PDE8A: variants seen among roughly 807,000 people sequenced by gnomAD.
PDE8A encodes high affinity cAMP-specific and IBMX-insensitive 3',5'-cyclic phosphodiesterase 8A.
PDE8A carries 59 observed loss-of-function variants against 105.0 expected under a neutral mutation model. The observed-to-expected ratio is 0.56, with a 90% CI of 0.46 to 0.70. PDE8A has a LOEUF of 0.70. Among genes scored for constraint, PDE8A ranks in the 30% least tolerant of loss-of-function variants. The pLI is 0.00. For missense variants in PDE8A, 1,014 were observed against 1,045.9 expected, an observed-to-expected ratio of 0.97 and a Z score of 0.42; for synonymous variants, 355 against 371.9, an observed-to-expected ratio of 0.95 and a Z score of 0.52.
chr15:85,023,843 G>A (rs994245522), intron 1 of PDE8A, among the ~76,000 whole-genome samples: 1 of 152,084 alleles, frequency 6.6e-6, no homozygotes, highest in African/African-American at 2.4e-5. Context: ...GGGAAGGAGG[G>A]AGAGTTGAGC....
intron 20 of PDE8A, among the ~76,000 whole-genome samples, chr15:85,133,799 A>C (rs1387949035): frequency 6.6e-6 from 1 of 152,206 alleles, no homozygotes; most frequent in Non-Finnish European, 1.5e-5. Context: ...TGTCTCTTGA[A>C]TAGCATGGAT....
intron 19 of PDE8A, among the ~76,000 whole-genome samples, chr15:85,124,685 G>C (rs1220796115): frequency 6.6e-6 from 1 of 152,098 alleles, no homozygotes; most frequent in Admixed American, 6.5e-5. Flanking sequence ...TTGTCAGCCT[G>C]CCCCTGACTT....
chr15:85,043,231 G>A (rs1162370192), intron 1 of PDE8A, among the ~76,000 whole-genome samples: 1 of 152,188 alleles, frequency 6.6e-6, no homozygotes, highest in Admixed American at 6.5e-5. Flanking sequence ...CATGCCTGCT[G>A]AATTCAGTTT....
chr15:84,996,284 C>T (rs2079974706), intron 1 of PDE8A, among the ~76,000 whole-genome samples: 1 of 151,850 alleles, frequency 6.6e-6, no homozygotes, highest in African/African-American at 2.4e-5. Flanking sequence ...CTCAAGTGAT[C>T]CTCCCACCTT....
Position 85,123,131 on chromosome 15 carries a change from G to A in PDE8A, c.2023G>A (p.Glu675Lys), listed in dbSNP as rs746439446. 7 of 1,613,806 alleles carry A rather than the reference G, an allele frequency of 4.3e-6. No individual in the cohort carries two copies. The highest frequency in any genetic ancestry group is 5.9e-6 in the Non-Finnish European group (7 of 1,179,846). ...VLATEMTKHF[E>K]HVNKFVNSIN... ...AGCCACAGAAATGACAAAGCACTTT[G>A]AGCATGTCAACAAATTTGTCAACAG... The change falls in exon 19 of 22, where the codon GAG (glutamate) becomes AAG (lysine). Residue 675 changes from glutamate (E) to lysine (K), a missense_variant. Physicochemically the swap from Glu to Lys is moderately conservative, Grantham distance 56. Coordinates refer to ENST00000394553, the MANE Select transcript of PDE8A (RefSeq NM_002605.3).
intron 1 of PDE8A, among the ~76,000 whole-genome samples, chr15:85,028,553 T>G (rs1462756638): frequency 6.6e-6 from 1 of 152,198 alleles, no homozygotes; most frequent in African/African-American, 2.4e-5. Context: ...TTTGTGCTGC[T>G]AAATTGTCCT....
chr15:85,069,467 C>A (rs951493839), intron 3 of PDE8A, among the ~76,000 whole-genome samples: 2 of 152,204 alleles, frequency 1.3e-5, no homozygotes, highest in Non-Finnish European at 2.9e-5. Flanking sequence ...GGACTTCCAA[C>A]ACTGGAGGAC....
intron 1 of PDE8A, among the ~76,000 whole-genome samples, chr15:84,991,128 A>G (rs963211949): frequency 2.0e-5 from 3 of 152,256 alleles, no homozygotes; most frequent in African/African-American, 2.4e-5. Context: ...AGCAAGTTAC[A>G]CAAGGCATTT....
intron 20 of PDE8A, among the ~76,000 whole-genome samples, chr15:85,133,529 G>C (rs567880465): frequency 2.5e-4 from 38 of 152,278 alleles, no homozygotes; most frequent in Middle Eastern, 3.4e-3. Flanking sequence ...GTTTCCTGCT[G>C]TTTTGAATGT....
chr15:85,115,220 C>T (rs1477217284), intron 14 of PDE8A: 1 of 502,430 alleles, frequency 2.0e-6, no homozygotes, highest in African/African-American at 2.0e-5. Context: ...TCCAACAGGG[C>T]CAGGACCATC....
intron 1 of PDE8A, among the ~76,000 whole-genome samples, chr15:85,002,383 A>G (rs1489588752): frequency 2.6e-5 from 4 of 152,232 alleles, no homozygotes; most frequent in Admixed American, 6.5e-5. Flanking sequence ...ACAGACAGAC[A>G]AAGAGGTGAT....
intron 3 of PDE8A, among the ~76,000 whole-genome samples, chr15:85,073,318 G>T (rs972350108): frequency 6.6e-6 from 1 of 152,148 alleles, no homozygotes; most frequent in East Asian, 1.9e-4. Context: ...TTTCAACTCA[G>T]TTTCCTGACA....
intron 2 of PDE8A, among the ~76,000 whole-genome samples, chr15:85,066,149 AC>A (rs763329755): frequency 5.3e-5 from 8 of 152,304 alleles, no homozygotes; most frequent in Middle Eastern, 3.4e-3. Context: ...CTGAGAACTT[AC>A]CCAGTTAACT....
At chr15:85,079,867 T>G (rs1596497036) in intron 5 of PDE8A, among the ~76,000 whole-genome samples, 1 of 151,630 alleles carries the variant, frequency 6.6e-6, no homozygotes, top group African/African-American at 2.4e-5. Context: ...GAGCTGAGAT[T>G]GCACCACTGC....
intron 1 of PDE8A, among the ~76,000 whole-genome samples, chr15:85,003,716 GA>G (rs2080102015): frequency 6.6e-6 from 1 of 152,138 alleles, no homozygotes; most frequent in Non-Finnish European, 1.5e-5. Flanking sequence ...TAATTTGTAG[GA>G]AAATTTCAAC....
intron 20 of PDE8A, among the ~76,000 whole-genome samples, chr15:85,129,258 C>T (rs1293366591): frequency 6.6e-6 from 1 of 152,184 alleles, no homozygotes; most frequent in Non-Finnish European, 1.5e-5. Context: ...ATGCTGGCCT[C>T]ATGGAATGAG....
At chr15:85,064,275 T>C in intron 1 of PDE8A, 95 bp from the exon 2 acceptor site, 1 of 792,794 alleles carries the variant, frequency 1.3e-6, no homozygotes. Context: ...GAATAGAAAT[T>C]TTGCTTTCAT....
intron 3 of PDE8A, among the ~76,000 whole-genome samples, chr15:85,073,378 A>C (rs1175716395): frequency 6.6e-6 from 1 of 152,206 alleles, no homozygotes; most frequent in Non-Finnish European, 1.5e-5. Flanking sequence ...AAAAGGTCCC[A>C]GTATGTCTCT....
intron 19 of PDE8A, among the ~76,000 whole-genome samples, chr15:85,124,614 A>T (rs997617030): frequency 6.6e-6 from 1 of 152,118 alleles, no homozygotes; most frequent in Non-Finnish European, 1.5e-5. Context: ...ACCCCATGAC[A>T]CTTACTTTGG....
Sources: allele counts gnomAD v4.1 joint callset (sites outside exome capture counted in the v4.1 genomes callset), GRCh38; gene constraint gnomAD v4.1.1; transcripts MANE v1.5; gene names NCBI Gene and HGNC (gene_info 2026-07-23, HGNC 2026-07-21).